LDB1: variants seen among roughly 807,000 people sequenced by gnomAD.
LDB1 encodes the protein LIM domain-binding protein 1.
In LDB1, 6 loss-of-function variants were observed where a neutral mutation model predicts 49.7. The ratio of observed to expected loss-of-function variants is 0.12; its 90% CI spans 0.07 to 0.24. The LOEUF (loss-of-function observed/expected upper bound fraction) is 0.24. Ranked by LOEUF, LDB1 falls within the 10% of genes least tolerant of loss-of-function variation. The pLI is 1.00. For synonymous variants in LDB1, 233 were observed against 202.0 expected (o/e 1.15, Z -1.30); for missense variants, 341 against 561.7 (o/e 0.61, Z 3.97).
intron 1 of LDB1, among the ~76,000 whole-genome samples, chr10:102,112,461 C>A (rs2068269559): frequency 6.6e-6 from 1 of 152,168 alleles, no homozygotes; most frequent in South Asian, 2.1e-4. Flanking sequence ...CTCTGCCCTT[C>A]CTCCACCCTC....
chr10:102,108,215 T>C lies in LDB1; in HGVS notation c.1114A>G (p.Ile372Val). Residue 372 changes from isoleucine to valine, a missense_variant, in exon 11 of 11, where the codon ATT becomes GTT. Ile to Val is a conservative substitution (Grantham distance 29). Coordinates refer to ENST00000673968, the MANE Select transcript of LDB1 (RefSeq NM_001113407.3). Reference protein sequence around the residue: ...ENTQFDAANGIDDEDSFNNSP... With the variant: ...ENTQFDAANGVDDEDSFNNSP... Reference sequence around the variant, plus strand: ...TTGTTAAAGCTGTCCTCGTCGTCAATGCCGTTGGCTGCGTCAAACTGGGTG... The same window carrying C: ...TTGTTAAAGCTGTCCTCGTCGTCAACGCCGTTGGCTGCGTCAAACTGGGTG... 13 of 1,614,036 alleles carry C rather than the reference T, an allele frequency of 8.1e-6. No individual in the cohort carries two copies. Among genetic ancestry groups the C allele is most frequent in the African/African-American group, 1.3e-5 (1 of 74,980 alleles).
rs2068178456 is a variant in LDB1, at chr10:102,107,395, G to A, written c.*698C>T. Among the ~76,000 whole-genome samples the A allele has an allele frequency of 6.6e-6, 1 of 152,016 alleles. No individual in the cohort carries two copies. Among genetic ancestry groups the A allele is most frequent in the Admixed American group, 6.6e-5 (1 of 15,262 alleles). On this transcript the variant is annotated 3_prime_UTR_variant, in exon 11 of 11. Coordinates refer to ENST00000673968, the MANE Select transcript of LDB1 (RefSeq NM_001113407.3). ...GCAGTCACCCCAGAGGAAAGGGGGA[G>A]AGATGGTGAAATGTCTCCTTGGTCT...
upstream of LDB1, among the ~76,000 whole-genome samples, chr10:102,120,830 G>A (rs1032201567): frequency 6.6e-6 from 1 of 152,122 alleles, no homozygotes; most frequent in African/African-American, 2.4e-5. Context: ...GAGCCGGGGT[G>A]GGCAGTGTGG....
chr10:102,113,411 C>G (rs2068284418), intron 1 of LDB1, among the ~76,000 whole-genome samples: 1 of 152,228 alleles, frequency 6.6e-6, no homozygotes, highest in African/African-American at 2.4e-5. Flanking sequence ...TCACGGGCCA[C>G]ATCCATATGC....
intron 1 of LDB1, among the ~76,000 whole-genome samples, chr10:102,113,152 C>G (rs908909108): frequency 6.6e-6 from 1 of 152,158 alleles, no homozygotes; most frequent in African/African-American, 2.4e-5. Context: ...GACCCTGTGC[C>G]AACATGTGTC....
At chr10:102,120,371 C>G (rs2068402280), upstream of LDB1, 1 of 984,138 alleles carries the variant, frequency 1.0e-6, no homozygotes, top group African/African-American at 1.8e-5. Flanking sequence ...GAGTGTGTGT[C>G]CGTGTGTGCG....
Position 102,106,584 on chromosome 10 carries a change from A to C in LDB1, c.*1509T>G, listed in dbSNP as rs898045755. On this transcript the variant is annotated 3_prime_UTR_variant, in exon 11 of 11. Transcript: ENST00000673968. ...AAAAAAAAAAAAAAAAAAAAAAAAA[A>C]GGCATTACAGTTGGGATGGGATGTC... Among the ~76,000 whole-genome samples, 2 of 127,534 alleles carry C rather than the reference A, an allele frequency of 1.6e-5. No homozygotes were observed. The highest frequency in any genetic ancestry group is 3.2e-5 in the Non-Finnish European group (2 of 61,542). The allele number at this position is 127,534 out of a possible 152,430, so 83.7% of individuals were successfully genotyped here.
Position 102,109,710 on chromosome 10 carries a change from A to G in LDB1, c.649-27T>C, listed in dbSNP as rs776320793. 2 of 1,609,476 alleles carry G rather than the reference A, an allele frequency of 1.2e-6. No individual in the cohort carries two copies. Among genetic ancestry groups the G allele is most frequent in the Non-Finnish European group, 1.7e-6 (2 of 1,175,900 alleles). On this transcript the variant is annotated intron_variant, in intron 7 of 10. Coordinates refer to ENST00000673968, the MANE Select transcript of LDB1 (RefSeq NM_001113407.3). The surrounding 1 kb of genome is among the most constrained non-coding windows in gnomAD (Gnocchi z 5.8). ...TAGAGTGGGAGAAAAGACAAGAAAG[A>G]ACACTGACACCTGGGTTGCCTCTGC...
At chr10:102,102,824 C>T (rs2068130106), downstream of LDB1, among the ~76,000 whole-genome samples, 1 of 152,122 alleles carries the variant, frequency 6.6e-6, no homozygotes, top group African/African-American at 2.4e-5. Context: ...TGCTATGTTG[C>T]CCAGGCTGAA....
Position 102,109,699 on chromosome 10 carries a change from A to G in LDB1, c.649-16T>C. Reference sequence around the variant, plus strand: ...GGTCTTGGGCCTAGAGTGGGAGAAAAGACAAGAAAGAACACTGACACCTGG... The same window carrying G: ...GGTCTTGGGCCTAGAGTGGGAGAAAGGACAAGAAAGAACACTGACACCTGG... On this transcript the variant is annotated splice_polypyrimidine_tract_variant and intron_variant, in intron 7 of 10. Transcript: ENST00000673968. The surrounding 1 kb of genome is among the most constrained non-coding windows in gnomAD (Gnocchi z 5.8). The G allele has an allele frequency of 6.2e-7, 1 of 1,612,898 alleles. No homozygotes were observed. The highest frequency in any genetic ancestry group is 1.1e-5 in the South Asian group (1 of 91,004).
At chr10:102,110,258 G>A (rs1294378747) in intron 6 of LDB1, 1 of 630,228 alleles carries the variant, frequency 1.6e-6, no homozygotes, top group African/African-American at 1.8e-5. Flanking sequence ...ACAGATCCTT[G>A]TCCTCTCCCC....
intron 6 of LDB1, 191 bp downstream of exon 6, chr10:102,110,338 T>C: frequency 1.5e-6 from 1 of 661,450 alleles, no homozygotes; most frequent in Non-Finnish European, 2.5e-6. Context: ...CGTGTAGCCT[T>C]GGGGCCCAGA....
At chr10:102,106,083 A>T (rs962059395), downstream of LDB1, among the ~76,000 whole-genome samples, 1 of 151,884 alleles carries the variant, frequency 6.6e-6, no homozygotes, top group African/African-American at 2.4e-5. Context: ...AGACCATCTA[A>T]CCCAAGCCCC....
intron 1 of LDB1, chr10:102,115,012 G>A (rs1045091728): frequency 1.0e-4 from 26 of 253,782 alleles, no homozygotes; most frequent in African/African-American, 4.8e-4. Context: ...TGAGGCCCCA[G>A]GGCGGGCGGA....
At chr10:102,113,394 C>T (rs1448495018) in intron 1 of LDB1, among the ~76,000 whole-genome samples, 4 of 152,194 alleles carry the variant, frequency 2.6e-5, no homozygotes, top group Non-Finnish European at 2.9e-5. Context: ...ACCCCATGCA[C>T]GAGCTCTCAC....
downstream of LDB1, among the ~76,000 whole-genome samples, chr10:102,102,329 C>T (rs1310250838): frequency 3.3e-5 from 5 of 152,200 alleles, no homozygotes; most frequent in South Asian, 2.1e-4. Context: ...ATCTGAAATC[C>T]GTTAAAGGAA....
upstream of LDB1, among the ~76,000 whole-genome samples, chr10:102,121,200 A>G (rs1313673602): frequency 6.6e-6 from 1 of 151,938 alleles, no homozygotes; most frequent in Admixed American, 6.6e-5. Context: ...ATAGGAGGCC[A>G]TCCTTCCTTC....
Position 102,109,203 on chromosome 10 carries a change from T to C in LDB1, c.857-26A>G, listed in dbSNP as rs1208690258. The stretch of plus-strand genomic sequence containing the variant: ...CTGTGCCGGTAAACGGAGACTCAGA[T>C]GGGAGAGGGCCCCAGGTCCCCTATT... On this transcript the variant is annotated intron_variant, in intron 9 of 10. Coordinates refer to ENST00000673968, the MANE Select transcript of LDB1 (RefSeq NM_001113407.3). This position sits in a 1 kb window ranked among gnomAD's most constrained non-coding sequence, Gnocchi z 5.8. 6.2e-7 allele frequency: 1 copy of C among 1,612,490 alleles called. No homozygotes were observed. Among genetic ancestry groups the C allele is most frequent in the African/African-American group, 1.3e-5 (1 of 74,972 alleles).
chr10:102,114,925 G>A (rs2068315000), intron 1 of LDB1: 2 of 801,646 alleles, frequency 2.5e-6, no homozygotes, highest in Non-Finnish European at 3.0e-6. Flanking sequence ...CGCAGCGCCC[G>A]CCGGCTGCCT....
Sources: allele counts gnomAD v4.1 joint callset (sites outside exome capture counted in the v4.1 genomes callset), GRCh38; gene constraint gnomAD v4.1.1; non-coding constraint Gnocchi (gnomAD v3.1); transcripts MANE v1.5; gene names NCBI Gene and HGNC (gene_info 2026-07-23, HGNC 2026-07-21).